Variants in RTL4 observed in about 807,000 individuals in gnomAD.
RTL4 encodes retrotransposon Gag like 4.
A neutral mutation model predicts 5.3 loss-of-function variants in RTL4; 4 were observed. The ratio of observed to expected loss-of-function variants is 0.75; its 90% CI spans 0.37 to 1.72. The LOEUF (loss-of-function observed/expected upper bound fraction) is 1.72, where lower values mean the gene tolerates loss of function less well. Among genes scored for constraint, RTL4 ranks in the 40% most tolerant of loss-of-function variants. RTL4 has a pLI of 0.04. For synonymous variants in RTL4, 98 were observed against 87.3 expected, an observed-to-expected ratio of 1.12 and a Z score of -0.68; for missense variants, 260 against 227.1, an observed-to-expected ratio of 1.14 and a Z score of -0.93.
chrX:112,300,614 G>A, the RTL4 span, among the ~76,000 whole-genome samples: 5 of 112,288 alleles, frequency 4.5e-5, no homozygotes, highest in Non-Finnish European at 9.4e-5. Flanking sequence ...CTACATGGTT[G>A]GAAGGTAGGG....
the RTL4 span, among the ~76,000 whole-genome samples, chrX:112,436,015 G>A: frequency 3.9e-3 from 440 of 111,468 alleles, 2 homozygotes; most frequent in Admixed American, 6.7e-3. Context: ...TCAGGAGTTC[G>A]AGACCTGTCT....
the RTL4 span, among the ~76,000 whole-genome samples, chrX:112,187,594 C>T: frequency 9.0e-6 from 1 of 111,635 alleles, no homozygotes; most frequent in African/African-American, 3.3e-5. Flanking sequence ...ACCCGATATG[C>T]CATAGGGATA....
At chrX:112,189,069 GAC>G in the RTL4 span, among the ~76,000 whole-genome samples, 16 of 110,929 alleles carry the variant, frequency 1.4e-4, no homozygotes, top group Non-Finnish European at 3.0e-4. Flanking sequence ...AATTTTGAAA[GAC>G]ACAATCCCAA....
chrX:112,339,953 T>G, the RTL4 span, among the ~76,000 whole-genome samples: 2 of 112,639 alleles, frequency 1.8e-5, no homozygotes, highest in Non-Finnish European at 3.7e-5. Flanking sequence ...CAATAAAACT[T>G]AATTTACAAA....
the RTL4 span, among the ~76,000 whole-genome samples, chrX:112,166,791 C>T: frequency 2.7e-5 from 3 of 111,847 alleles, no homozygotes; most frequent in East Asian, 2.8e-4. Context: ...AACAAAAGTA[C>T]GCACTGCATG....
the RTL4 span, among the ~76,000 whole-genome samples, chrX:112,338,259 A>T: frequency 1.8e-5 from 2 of 111,818 alleles, no homozygotes; most frequent in African/African-American, 3.3e-5. Flanking sequence ...TTTGGTTCAG[A>T]AAAACAAATA....
chrX:112,118,698 T>C, the RTL4 span, among the ~76,000 whole-genome samples: 2 of 111,680 alleles, frequency 1.8e-5, no homozygotes, highest in Non-Finnish European at 3.8e-5. Flanking sequence ...TATAATTTTG[T>C]AGAAAAATAT....
chrX:112,152,184 T>C, the RTL4 span, among the ~76,000 whole-genome samples: 11 of 111,612 alleles, frequency 9.9e-5, no homozygotes, highest in Non-Finnish European at 2.1e-4. Flanking sequence ...TTGCAGGATA[T>C]AGTACTACGA....
chrX:112,096,243 G>A, the RTL4 span, among the ~76,000 whole-genome samples: 1 of 112,095 alleles, frequency 8.9e-6, no homozygotes, highest in African/African-American at 3.2e-5. Flanking sequence ...TAGAACAGTA[G>A]CTGGGTTATA....
At chrX:112,312,786 T>C in the RTL4 span, among the ~76,000 whole-genome samples, 5 of 111,333 alleles carry the variant, frequency 4.5e-5, no homozygotes, top group Non-Finnish European at 3.8e-5. Flanking sequence ...ACACCACAGC[T>C]GCCTCCAGGT....
the RTL4 span, among the ~76,000 whole-genome samples, chrX:112,110,429 G>A: frequency 4.1e-4 from 46 of 111,708 alleles, no homozygotes; most frequent in African/African-American, 1.5e-3. Context: ...TGTAGCAGTG[G>A]CCATTCCTAA....
At chrX:112,155,770 C>G in the RTL4 span, among the ~76,000 whole-genome samples, 2 of 111,528 alleles carry the variant, frequency 1.8e-5, no homozygotes, top group Non-Finnish European at 3.8e-5. Context: ...TTGATTTTGC[C>G]ATTTTTTTCC....
At chrX:112,304,637 ATCTTTTTTT>A in the RTL4 span, among the ~76,000 whole-genome samples, 2 of 69,751 alleles carry the variant, frequency 2.9e-5, no homozygotes, top group East Asian at 4.2e-4. Flanking sequence ...ATTTTCCCAC[ATCTTTTTTT>A]TTTTTTTTTT....
At chrX:112,119,685 CA>C in the RTL4 span, among the ~76,000 whole-genome samples, 13 of 111,715 alleles carry the variant, frequency 1.2e-4, 1 homozygote, top group African/African-American at 4.2e-4. Context: ...GGAAGCAAAG[CA>C]TTCTGTGGAG....
the RTL4 span, among the ~76,000 whole-genome samples, chrX:112,351,501 T>A: frequency 9.3e-6 from 1 of 107,628 alleles, no homozygotes; most frequent in African/African-American, 3.5e-5. Flanking sequence ...TGTGGGAGTC[T>A]AAGTCTCTTT....
chrX:112,168,328 C>T, the RTL4 span, among the ~76,000 whole-genome samples: 1,927 of 111,779 alleles, frequency 0.017, 34 homozygotes, highest in African/African-American at 0.059. Flanking sequence ...TTTTTGGTGG[C>T]CAGGATATCT....
chrX:112,191,633 A>G, the RTL4 span, among the ~76,000 whole-genome samples: 1 of 111,801 alleles, frequency 8.9e-6, no homozygotes, highest in Non-Finnish European at 1.9e-5. Flanking sequence ...CTTTCTCCCC[A>G]CTATAATATT....
chrX:112,319,150 A>G, the RTL4 span, among the ~76,000 whole-genome samples: 3 of 111,952 alleles, frequency 2.7e-5, no homozygotes, highest in African/African-American at 9.7e-5. Flanking sequence ...GTAGACTAAC[A>G]GTTTATTATA....
chrX:112,291,367 TACACACACACACACACAC>T, the RTL4 span, among the ~76,000 whole-genome samples: 4 of 95,416 alleles, frequency 4.2e-5, no homozygotes, highest in East Asian at 6.8e-4. Flanking sequence ...TGTATGTTTG[TACACACACACACACACAC>T]ACACACACAC....
Sources: gnomAD v4.1 joint callset for allele counts (sites outside exome capture counted in the v4.1 genomes callset) on GRCh38, gnomAD v4.1.1 for gene constraint, MANE v1.5 for transcripts, NCBI Gene and HGNC (gene_info 2026-07-23, HGNC 2026-07-21) for gene names.